Variants in CADPS observed in about 807,000 individuals in gnomAD.
CADPS encodes the protein calcium-dependent secretion activator 1.
In CADPS, 57 loss-of-function variants were observed where a neutral mutation model predicts 167.3. The ratio of observed to expected loss-of-function variants is 0.34; its 90% CI spans 0.28 to 0.42. The LOEUF (loss-of-function observed/expected upper bound fraction) is 0.42. CADPS is among the 20% of genes least tolerant of loss of function. The pLI, the probability that CADPS is intolerant of heterozygous loss-of-function variation, is 1.00. For synonymous variants in CADPS, 676 were observed against 635.3 expected (o/e 1.06, Z -0.96); for missense variants, 1,414 against 1,738.1 (o/e 0.81, Z 3.32).
In CADPS at chr3:62,438,305, C is replaced by A. The variant is rs2055572688; in HGVS notation, c.3670-94G>T. 1 of 832,098 alleles carries A rather than the reference C, an allele frequency of 1.2e-6. No individual in the cohort carries two copies. Among genetic ancestry groups the A allele is most frequent in the Admixed American group, 2.0e-5 (1 of 49,142 alleles). 51.5% of individuals were successfully genotyped at this position (832,098 alleles called of 1,614,324 possible). ...TGTACCCTCTACTTGCCCTCACACA[C>A]CCTGAGATGCTTCTGCTGGATCAGC... On this transcript the variant is annotated intron_variant, in intron 27 of 29. Coordinates refer to ENST00000383710, the MANE Select transcript of CADPS (RefSeq NM_003716.4). This position sits in a 1 kb window ranked among gnomAD's most constrained non-coding sequence, Gnocchi z 4.7.
chr3:62,612,492 T>C (rs2061639495), intron 6 of CADPS, among the ~76,000 whole-genome samples: 1 of 152,222 alleles, frequency 6.6e-6, no homozygotes. Context: ...CATTCATCCC[T>C]TGTGGGACTT....
intron 6 of CADPS, among the ~76,000 whole-genome samples, chr3:62,623,072 G>T (rs890088618): frequency 2.6e-5 from 4 of 152,132 alleles, no homozygotes; most frequent in Admixed American, 1.3e-4. Context: ...AACAAACTTT[G>T]ATTCTGTTTT....
At chr3:62,620,839 G>A (rs1578974573) in intron 6 of CADPS, among the ~76,000 whole-genome samples, 1 of 152,136 alleles carries the variant, frequency 6.6e-6, no homozygotes, top group Non-Finnish European at 1.5e-5. Context: ...GGGCCTGGAA[G>A]GGATTCCTCA....
chr3:62,439,503 T>C (rs1423855864), intron 27 of CADPS: 2 of 152,182 alleles, frequency 1.3e-5, no homozygotes, highest in Non-Finnish European at 2.9e-5. Context: ...GCGAATGGAT[T>C]GAGCAGGTTC....
At chr3:62,469,487 C>A (rs2060321709) in intron 24 of CADPS, among the ~76,000 whole-genome samples, 2 of 152,004 alleles carry the variant, frequency 1.3e-5, no homozygotes, top group Non-Finnish European at 2.9e-5. Flanking sequence ...GGGAGCTTTA[C>A]CATTTTCCCA....
At chr3:62,794,894 G>T (rs1488342082) in intron 1 of CADPS, among the ~76,000 whole-genome samples, 2 of 151,550 alleles carry the variant, frequency 1.3e-5, no homozygotes, top group Middle Eastern at 3.2e-3. Flanking sequence ...TTGCACATCA[G>T]TTTGGAGAAT....
intron 20 of CADPS, 78 bp from the exon 21 acceptor site, chr3:62,491,558 A>AACACACACACACACAC (rs35911391): frequency 5.1e-5 from 27 of 525,488 alleles, no homozygotes; most frequent in Admixed American, 3.3e-5. Context: ...CACACACACA[A>AACACACACACACACAC]ACACACACAC....
At chr3:62,557,579 C>T (rs747417466) in intron 9 of CADPS, 66 bp from the exon 10 acceptor site, 2 of 1,217,442 alleles carry the variant, frequency 1.6e-6, no homozygotes, top group Admixed American at 3.4e-5. Context: ...AACCCTCCCC[C>T]ATGTTCTCTC....
At chr3:62,494,659 C>G (rs1351834281) in intron 18 of CADPS, among the ~76,000 whole-genome samples, 2 of 128,066 alleles carry the variant, frequency 1.6e-5, no homozygotes, top group Non-Finnish European at 3.2e-5. Flanking sequence ...ATACCTGGCT[C>G]TTACCAGCAA....
At chr3:62,666,161 CTTTCTCTGGGGTCG>C in intron 3 of CADPS, among the ~76,000 whole-genome samples, 2 of 152,172 alleles carry the variant, frequency 1.3e-5, no homozygotes, top group African/African-American at 2.4e-5. Context: ...CTGTCTCCCA[CTTTCTCTGGGGTCG>C]AGTCCCCTTG....
intron 7 of CADPS, 33 bp from the exon 8 acceptor site, chr3:62,585,357 G>C (rs368486501): frequency 1.3e-6 from 2 of 1,588,122 alleles, no homozygotes; most frequent in African/African-American, 2.7e-5. Flanking sequence ...AACTAGAAAA[G>C]AGAAGCACCA....
chr3:62,765,735 G>A (rs1441691904), intron 2 of CADPS, 136 bp downstream of exon 2: 14 of 536,768 alleles, frequency 2.6e-5, no homozygotes, highest in Non-Finnish European at 4.0e-5. Context: ...ACATTGTAAC[G>A]AATCACCAAC....
intron 1 of CADPS, among the ~76,000 whole-genome samples, chr3:62,854,398 A>AATAT (rs1489145153): frequency 1.3e-5 from 2 of 152,014 alleles, no homozygotes. Flanking sequence ...TATCGTTTCA[A>AATAT]ATATAAAGAG....
At chr3:62,571,714 G>A (rs972325245) in intron 8 of CADPS, among the ~76,000 whole-genome samples, 2 of 151,882 alleles carry the variant, frequency 1.3e-5, no homozygotes, top group Non-Finnish European at 2.9e-5. Context: ...ACAAGCATGC[G>A]CCACCATGCT....
chr3:62,671,506 G>A (rs972427497), intron 3 of CADPS, among the ~76,000 whole-genome samples: 2 of 152,080 alleles, frequency 1.3e-5, no homozygotes, highest in Non-Finnish European at 2.9e-5. Flanking sequence ...CTTGCTAGCT[G>A]TGCAGTCACC....
chr3:62,493,757 A>C, intron 18 of CADPS, 92 bp from the exon 19 acceptor site: 1 of 1,067,732 alleles, frequency 9.4e-7, no homozygotes, highest in Non-Finnish European at 1.4e-6. Context: ...TTCCATTTTA[A>C]TTTACAGTAA....
At chr3:62,854,438 G>A (rs992569141) in intron 1 of CADPS, among the ~76,000 whole-genome samples, 1 of 152,100 alleles carries the variant, frequency 6.6e-6, no homozygotes, top group African/African-American at 2.4e-5. Flanking sequence ...TCACTTCTCT[G>A]AAGAAAGACA....
intron 3 of CADPS, among the ~76,000 whole-genome samples, chr3:62,744,492 A>G (rs1364501339): frequency 6.6e-6 from 1 of 152,224 alleles, no homozygotes; most frequent in Admixed American, 6.5e-5. Context: ...TTGGAAGAAG[A>G]AAAATTCAAA....
At chr3:62,586,879 A>T (rs781483534) in intron 7 of CADPS, among the ~76,000 whole-genome samples, 2 of 152,210 alleles carry the variant, frequency 1.3e-5, no homozygotes, top group African/African-American at 2.4e-5. Flanking sequence ...AAGATTTAAA[A>T]ATCTACATTT....
Sources: allele counts gnomAD v4.1 joint callset (sites outside exome capture counted in the v4.1 genomes callset), GRCh38; gene constraint gnomAD v4.1.1; non-coding constraint Gnocchi (gnomAD v3.1); transcripts MANE v1.5; gene names NCBI Gene and HGNC (gene_info 2026-07-23, HGNC 2026-07-21).